The following GAK variants were observed in gnomAD, a reference collection of about 807,000 sequenced individuals.
GAK encodes cyclin G associated kinase.
GAK carries 79 observed loss-of-function variants against 143.9 expected under a neutral mutation model. That is an observed-to-expected ratio of 0.55 (90% CI 0.46 to 0.66). The LOEUF (loss-of-function observed/expected upper bound fraction) is 0.66, where lower values mean the gene tolerates loss of function less well. Ranked by LOEUF, GAK falls within the 30% of genes least tolerant of loss-of-function variation. GAK has a pLI of 0.00. For missense variants in GAK, 1,693 were observed against 1,779.7 expected (o/e 0.95, Z 0.88); for synonymous variants, 881 against 765.5 (o/e 1.15, Z -2.49).
In GAK at chr4:890,562, C is replaced by T. The variant is rs150270892; in HGVS notation, c.1051G>A (p.Val351Met). 5.8e-5 allele frequency: 93 copies of T among 1,610,432 alleles called. No individual in the cohort carries two copies. In the African/African-American group the frequency reaches 7.6e-4, roughly 13 times the overall value. The change falls in exon 10 of 28, where the codon GTG (valine) becomes ATG (methionine). Residue 351 changes from valine (V) to methionine (M), a missense_variant. Transcript: ENST00000314167. ...ATLSRGPPPP[V>M]GPAGSGYSGG... ...CTGTAGCCACTGCCAGCGGGGCCCA[C>T]GGGAGGGGGTGGCCCTCGGGACAGT...
rs572027304 is a variant in GAK, at chr4:932,277, G to C, written c.-90C>G. On this transcript the variant is annotated 5_prime_UTR_variant, in exon 1 of 28. Transcript: ENST00000314167. This position sits in a 1 kb window ranked among gnomAD's most constrained non-coding sequence, Gnocchi z 4.0. ...CGTCCGGGTCAGCTCAGCAACCGCC[G>C]GCCCGGAGGTGCACCATCTTCCGCC... 7.1e-7 allele frequency: 1 copy of C among 1,410,314 alleles called. No homozygotes were observed. The highest frequency in any genetic ancestry group is 9.2e-7 in the Non-Finnish European group (1 of 1,091,008). 87.4% of individuals were successfully genotyped at this position (1,410,314 alleles called of 1,614,324 possible). A position where few individuals can be genotyped will look rare whatever the true frequency, so the allele number is the denominator to read the frequency against.
At position 865,130 on chromosome 4, in the gene GAK, G is replaced by T; in HGVS notation, c.3158C>A (p.Ala1053Asp). The change falls in exon 23 of 28, where the codon GCC (alanine) becomes GAC (aspartate). Residue 1053 changes from alanine (A) to aspartate (D), a missense_variant. By Grantham distance (126) the Ala-to-Asp change is moderately radical. This residue lies in a region of GAK where 822 missense variants were observed against 788.7 expected (regional missense o/e 1.04). Transcript: ENST00000314167. ...TAASAVAPTPATEGPLFSPGG... is the reference protein window; with the variant it reads ...TAASAVAPTPDTEGPLFSPGG... ...GTGGGTGGTGGCCATACCTTCTGTG[G>T]CTGGCGTGGGGGCCACTGCCGATGC... is the stretch of plus-strand genomic sequence containing the variant. The T allele has an allele frequency of 6.2e-7, 1 of 1,608,756 alleles. No individual in the cohort carries two copies. Among genetic ancestry groups the T allele is most frequent in the East Asian group, 2.2e-5 (1 of 44,780 alleles).
chr4:859,797 G>A (rs1233088583), intron 23 of GAK, 75 bp from the exon 24 acceptor site: 26 of 1,042,978 alleles, frequency 2.5e-5, no homozygotes, highest in African/African-American at 6.4e-5. Flanking sequence ...CTCCGATGGC[G>A]CCTCCTTACG....
chr4:889,268 C>A (rs1717179200), intron 10 of GAK, among the ~76,000 whole-genome samples: 3 of 152,214 alleles, frequency 2.0e-5, no homozygotes, highest in Admixed American at 2.0e-4. Flanking sequence ...TGCGGAAGGG[C>A]TATGTGGCCG....
intron 7 of GAK, chr4:894,237 G>C: frequency 2.4e-6 from 1 of 419,608 alleles, no homozygotes. Flanking sequence ...CAACAGGGGT[G>C]ACACCCGGGC....
At chr4:859,906 T>C (rs1749973571) in intron 23 of GAK, among the ~76,000 whole-genome samples, 184 bp from the exon 24 acceptor site, 1 of 152,278 alleles carries the variant, frequency 6.6e-6, no homozygotes, top group East Asian at 1.9e-4. Flanking sequence ...GCTGCCTCCA[T>C]GCCCCATGCT....
Position 890,528 on chromosome 4 carries a change from T to C in GAK, c.1081+4A>G, listed in dbSNP as rs1481130918. 3.1e-6 allele frequency: 5 copies of C among 1,602,308 alleles called. No homozygotes were observed. The Admixed American group carries it at 8.4e-5, about 27-fold the overall frequency. On this transcript the variant is annotated splice_donor_region_variant and intron_variant, in intron 10 of 27. Transcript: ENST00000314167. ...AGGTGGCGGGCACAGGACAGGGCACTCACCTCCACTGTAGCCACTGCCAGC... is the reference window on the plus strand; with the variant it reads ...AGGTGGCGGGCACAGGACAGGGCACCCACCTCCACTGTAGCCACTGCCAGC...
At chr4:901,317 A>C (rs1207490626) in intron 5 of GAK, among the ~76,000 whole-genome samples, 1 of 151,982 alleles carries the variant, frequency 6.6e-6, no homozygotes, top group Admixed American at 6.5e-5. Context: ...ACACGGGGAG[A>C]GCCACGGCCT....
At chr4:890,090 G>A (rs775349422) in intron 10 of GAK, among the ~76,000 whole-genome samples, 38 of 152,222 alleles carry the variant, frequency 2.5e-4, no homozygotes, top group Non-Finnish European at 5.0e-4. Context: ...TCCTGGGAAG[G>A]AACCTGGGAT....
At chr4:891,909 C>T (rs1717749925) in intron 9 of GAK, among the ~76,000 whole-genome samples, 1 of 152,178 alleles carries the variant, frequency 6.6e-6, no homozygotes, top group African/African-American at 2.4e-5. Context: ...TCTCCCGCCT[C>T]AGAGCGCCCC....
chr4:867,526 G>T (rs928034690), intron 20 of GAK, 94 bp from the exon 21 acceptor site: 14 of 634,390 alleles, frequency 2.2e-5, no homozygotes, highest in Non-Finnish European at 3.1e-5. Flanking sequence ...CTCGGCCCAG[G>T]GCCTTGGTGA....
chr4:877,856 G>A, intron 15 of GAK, 47 bp from the exon 16 acceptor site: 2 of 1,481,574 alleles, frequency 1.3e-6, no homozygotes, highest in South Asian at 1.3e-5. Flanking sequence ...CCTGAGAGGG[G>A]ACCACACAGC....
rs1748014078 is a variant in GAK at position 850,864 on chromosome 4, G to C, written c.3657+72C>G. 2.0e-6 allele frequency: 3 copies of C among 1,524,562 alleles called. No homozygotes were observed. The East Asian group carries it at 6.9e-5, about 35-fold the overall frequency. The allele number at this position is 1,524,562 out of a possible 1,614,324, so 94.4% of individuals were successfully genotyped here. A position where few individuals can be genotyped will look rare whatever the true frequency, so the allele number is the denominator to read the frequency against. The stretch of plus-strand genomic sequence containing the variant: ...CTGTCTGGAGACGCCGGCTCCATAA[G>C]GCACAGCAGATGCTCCAGGGGCCAT... On this transcript the variant is annotated intron_variant, in intron 26 of 27. Transcript: ENST00000314167.
At chr4:886,908 C>T (rs1716449806) in intron 11 of GAK, 1 of 152,322 alleles carries the variant, frequency 6.6e-6, no homozygotes, top group South Asian at 2.1e-4. Context: ...TGCAGGCCCA[C>T]TAAGAGCAGG....
chr4:886,445 A>G (rs1716346960), intron 11 of GAK: 1 of 152,170 alleles, frequency 6.6e-6, no homozygotes, highest in Non-Finnish European at 1.5e-5. Context: ...GGAGTCCCCC[A>G]GGGAGGACTC....
intron 1 of GAK, among the ~76,000 whole-genome samples, chr4:916,625 G>A (rs969408156): frequency 1.3e-5 from 2 of 152,172 alleles, no homozygotes; most frequent in African/African-American, 4.8e-5. Context: ...TTAGAGAAAT[G>A]CAGACTTAAA....
At chr4:869,412 T>G (rs1486973557) in intron 19 of GAK, 2 of 116,096 alleles carry the variant, frequency 1.7e-5, no homozygotes, top group African/African-American at 6.9e-5. Flanking sequence ...ACGGTACACA[T>G]GAATGCACAC....
At chr4:920,846 A>G (rs1465808192) in intron 1 of GAK, among the ~76,000 whole-genome samples, 2 of 152,024 alleles carry the variant, frequency 1.3e-5, no homozygotes, top group South Asian at 4.1e-4. Flanking sequence ...CCGGCCCCAG[A>G]TACTATTTTG....
rs761357602 is a variant in GAK at position 882,020 on chromosome 4, A to G, written c.1548T>C (p.Ala516=). Residue 516 remains alanine, a synonymous_variant, in exon 15 of 28, where the codon GCT becomes GCC. Transcript: ENST00000314167. ...AGCACAGGAAGGAGCAGACGGCCAC[A>G]GCAGACGCGGCTCTCCCGTCCTAGG... ...VHCMDGRAAS[A]VAVCSFLCFC... 2.5e-5 allele frequency: 40 copies of G among 1,606,370 alleles called. No individual in the cohort carries two copies. In the South Asian group the frequency reaches 4.3e-4, roughly 17 times the overall value.
Sources: allele counts gnomAD v4.1 joint callset (sites outside exome capture counted in the v4.1 genomes callset), GRCh38; gene constraint gnomAD v4.1.1; regional missense constraint gnomAD v4.1.1; non-coding constraint Gnocchi (gnomAD v3.1); transcripts MANE v1.5; gene names NCBI Gene and HGNC (gene_info 2026-07-23, HGNC 2026-07-21).